DDHD2: variants seen among roughly 807,000 people sequenced by gnomAD.
DDHD2 encodes the protein triacylglycerol hydrolase DDHD2.
DDHD2 carries 62 observed loss-of-function variants against 91.2 expected under a neutral mutation model. The observed-to-expected ratio is 0.68, with a 90% CI of 0.55 to 0.84. The LOEUF (loss-of-function observed/expected upper bound fraction) is 0.84. Ranked by LOEUF, DDHD2 falls within the 40% of genes least tolerant of loss-of-function variation. The pLI is 0.00. For missense variants in DDHD2, 740 were observed against 846.9 expected (o/e 0.87, Z 1.57); for synonymous variants, 271 against 293.9 (o/e 0.92, Z 0.80).
downstream of DDHD2, chr8:38,273,042 T>C (rs779910728): frequency 1.3e-5 from 2 of 152,342 alleles, no homozygotes; most frequent in African/African-American, 2.4e-5. Flanking sequence ...GTTACCTTTT[T>C]TTTTTGAGAT....
chr8:38,253,431 G>T, intron 15 of DDHD2, 125 bp from the exon 16 acceptor site: 1 of 866,024 alleles, frequency 1.2e-6, no homozygotes, highest in Non-Finnish European at 1.8e-6. Context: ...GAGGAAGATG[G>T]GAGAGAGCTC....
intron 6 of DDHD2, 190 bp from the exon 7 acceptor site, chr8:38,242,060 A>T: frequency 1.1e-5 from 6 of 536,038 alleles, no homozygotes; most frequent in Non-Finnish European, 1.9e-5. Context: ...TCTCAAAAAA[A>T]AAAAGTTATT....
intron 15 of DDHD2, 56 bp from the exon 16 acceptor site, chr8:38,253,500 G>C: frequency 6.6e-7 from 1 of 1,511,010 alleles, no homozygotes; most frequent in Non-Finnish European, 9.0e-7. Context: ...AAGTTAACAG[G>C]ATAACCCTGA....
At chr8:38,248,443 T>C (rs543321869) in intron 10 of DDHD2, among the ~76,000 whole-genome samples, 1 of 151,888 alleles carries the variant, frequency 6.6e-6, no homozygotes, top group Non-Finnish European at 1.5e-5. Flanking sequence ...TTAACAGATA[T>C]TTAGAAAATG....
At chr8:38,248,510 A>G (rs1805831804) in intron 10 of DDHD2, among the ~76,000 whole-genome samples, 1 of 151,958 alleles carries the variant, frequency 6.6e-6, no homozygotes, top group Admixed American at 6.6e-5. Context: ...CCCTGACCTC[A>G]TAGTGTTTAT....
downstream of DDHD2, chr8:38,267,266 C>T (rs1563327250): frequency 6.2e-7 from 1 of 1,613,954 alleles, no homozygotes; most frequent in Non-Finnish European, 8.5e-7. Flanking sequence ...GATATTCATA[C>T]AGGAAGAATG....
intron 1 of DDHD2, chr8:38,271,114 T>C (rs1808458560): frequency 6.6e-6 from 1 of 152,198 alleles, no homozygotes. Context: ...TGCTGGTATC[T>C]CATGCAGGAG....
downstream of DDHD2, chr8:38,266,145 C>T: frequency 6.2e-7 from 1 of 1,613,782 alleles, no homozygotes; most frequent in Non-Finnish European, 8.5e-7. Context: ...GCTTACCTTG[C>T]CAGTGATGCT....
rs775152563 is a variant in DDHD2 at position 38,268,394 on chromosome 8, C to G, written n.88-2728C>G. On this transcript the variant is annotated intron_variant and non_coding_transcript_variant, in intron 1 of 1. Coordinates refer to the DDHD2 transcript ENST00000526071. ...ACCCAGGCAGGCTTGTCTGCTGTCT[C>G]TTGTGTCTGCCTTCTTGAGAAATTT... The G allele has an allele frequency of 3.6e-5, 56 of 1,571,504 alleles. No homozygotes were observed. Among genetic ancestry groups the G allele is most frequent in the Non-Finnish European group, 4.7e-5 (54 of 1,158,394 alleles).
At position 38,232,957 on chromosome 8, in the gene DDHD2, G is replaced by A. The variant is rs7834509; in HGVS notation, c.-8-30G>A. ...TGCGAACAGTTACACAGTTAAGTTC[G>A]TTTTCCTGATAGTTTTCTTTTGTCT... On this transcript the variant is annotated intron_variant, in intron 1 of 17. Transcript: ENST00000397166. 4 of 1,577,092 alleles carry A rather than the reference G, an allele frequency of 2.5e-6. No homozygotes were observed. The African/African-American group carries it at 5.4e-5, about 21-fold the overall frequency.
chr8:38,268,236 C>G, intron 1 of DDHD2: 1 of 1,070,246 alleles, frequency 9.3e-7, no homozygotes, highest in Non-Finnish European at 1.3e-6. Flanking sequence ...TGCTATTTTC[C>G]TCTCCCGCGG....
rs762342203 is a variant in DDHD2 at position 38,245,932 on chromosome 8, A to G, written c.1039A>G (p.Ile347Val). The G allele has an allele frequency of 2.7e-5, 44 of 1,613,526 alleles. No homozygotes were observed. In the Admixed American group the frequency reaches 5.0e-4, roughly 18 times the overall value. ...CCCTGATTTCAAAGGGGGTGTATCCATTGCTGGTCATAGTTTAGGTAACAA... is the reference window on the plus strand; with the variant it reads ...CCCTGATTTCAAAGGGGGTGTATCCGTTGCTGGTCATAGTTTAGGTAACAA... ...RNPDFKGGVS[I>V]AGHSLGSLIL... is the part of the protein sequence containing the mutation. The change falls in exon 8 of 18, where the codon ATT becomes GTT. Residue 347 changes from isoleucine (I) to valine (V), a missense_variant. Physicochemically the swap from Ile to Val is conservative, Grantham distance 29. Coordinates refer to ENST00000397166, the MANE Select transcript of DDHD2 (RefSeq NM_015214.3).
At chr8:38,252,546 G>A (rs1171877744) in intron 13 of DDHD2, among the ~76,000 whole-genome samples, 176 bp from the exon 14 acceptor site, 2 of 151,844 alleles carry the variant, frequency 1.3e-5, no homozygotes, top group Admixed American at 1.3e-4. Flanking sequence ...GGAGGTCAAG[G>A]CAGGAGGATT....
chr8:38,237,612 T>A lies in DDHD2; in HGVS notation c.486T>A (p.Ile162=). The A allele has an allele frequency of 6.4e-7, 1 of 1,573,204 alleles. No homozygotes were observed. Among genetic ancestry groups the A allele is most frequent in the African/African-American group, 1.4e-5 (1 of 73,732 alleles). The change falls in exon 4 of 18, where the codon ATT becomes ATA. Residue 162 remains isoleucine (I), a synonymous_variant. Transcript: ENST00000397166. The part of the protein sequence containing the change: ...KLESPNREII[I]LHNPKLMVHY... ...AATCTCCCAACAGAGAAATTATTAT[T>A]TTACACAATCCAAAGGTAAAACAAA...
chr8:38,259,219 CTTT>C (rs34652032), intron 16 of DDHD2, among the ~76,000 whole-genome samples: 1 of 142,688 alleles, frequency 7.0e-6, no homozygotes, highest in African/African-American at 2.6e-5. Flanking sequence ...TTCTTACTGG[CTTT>C]TTTTTTTTTT....
intron 7 of DDHD2, among the ~76,000 whole-genome samples, chr8:38,244,616 A>T (rs1004568892): frequency 5.3e-5 from 8 of 151,204 alleles, no homozygotes; most frequent in African/African-American, 1.9e-4. Context: ...CCTGGGCTGG[A>T]GTGCAATGGC....
At chr8:38,266,434 T>C, downstream of DDHD2, 4 of 985,652 alleles carry the variant, frequency 4.1e-6, no homozygotes, top group Non-Finnish European at 5.9e-6. Flanking sequence ...ACAGTCTTGC[T>C]CTGTCGCCCA....
chr8:38,245,709 G>A, intron 7 of DDHD2, 33 bp from the exon 8 acceptor site: 4 of 1,588,538 alleles, frequency 2.5e-6, no homozygotes, highest in Non-Finnish European at 3.4e-6. Flanking sequence ...GTGTATTTAG[G>A]TTTCCTGCTT....
At chr8:38,264,246 C>G (rs1167889668), downstream of DDHD2, 7 of 764,272 alleles carry the variant, frequency 9.2e-6, no homozygotes, top group East Asian at 3.0e-4. Flanking sequence ...CTCCCAGGTT[C>G]AAGCAATTCT....
Sources: allele counts gnomAD v4.1 joint callset (sites outside exome capture counted in the v4.1 genomes callset), GRCh38; gene constraint gnomAD v4.1.1; transcripts MANE v1.5; gene names NCBI Gene and HGNC (gene_info 2026-07-23, HGNC 2026-07-21).